Variants in DACH2 observed in about 807,000 individuals in gnomAD.
DACH2 encodes the protein dachshund homolog 2.
In DACH2, 17 loss-of-function variants were observed where a neutral mutation model predicts 35.8. The observed-to-expected ratio is 0.48, with a 90% CI of 0.33 to 0.71. The LOEUF is 0.71. Ranked by LOEUF, DACH2 falls within the 30% of genes least tolerant of loss-of-function variation. The pLI is 0.02. For synonymous variants in DACH2, 195 were observed against 177.3 expected (o/e 1.10, Z -0.79); for missense variants, 469 against 472.7 (o/e 0.99, Z 0.07).
intron 1 of DACH2, among the ~76,000 whole-genome samples, chrX:86,234,363 T>C (rs970882668): frequency 1.8e-5 from 2 of 111,641 alleles, no homozygotes; most frequent in African/African-American, 6.5e-5. Flanking sequence ...GAACTCTGCA[T>C]ACAAATTAAT....
At chrX:86,311,429 T>C (rs1313757121) in intron 1 of DACH2, among the ~76,000 whole-genome samples, 3 of 111,686 alleles carry the variant, frequency 2.7e-5, no homozygotes, top group East Asian at 5.7e-4. Flanking sequence ...GAAGTCACAA[T>C]TACAACACCA....
At chrX:86,346,234 C>T (rs1222491856) in intron 1 of DACH2, among the ~76,000 whole-genome samples, 3 of 110,648 alleles carry the variant, frequency 2.7e-5, no homozygotes, top group Non-Finnish European at 5.7e-5. Context: ...CATCCTGTTA[C>T]CATTTCTCGG....
chrX:86,504,679 C>T (rs2038298867), intron 2 of DACH2, among the ~76,000 whole-genome samples: 2 of 110,924 alleles, frequency 1.8e-5, no homozygotes, highest in African/African-American at 6.5e-5. Context: ...ACTGCCATGG[C>T]AACTTTAAAG....
chrX:86,683,952 C>T (rs904361493), intron 4 of DACH2, among the ~76,000 whole-genome samples: 3 of 111,212 alleles, frequency 2.7e-5, no homozygotes, highest in Non-Finnish European at 5.7e-5. Flanking sequence ...GATGCTCCTT[C>T]CACTATGCTA....
intron 4 of DACH2, among the ~76,000 whole-genome samples, chrX:86,667,356 A>AGGAAGGAG (rs1491365097): frequency 1.3e-5 from 1 of 75,494 alleles, no homozygotes; most frequent in Non-Finnish European, 2.6e-5. Flanking sequence ...GAAGGAAGGA[A>AGGAAGGAG]GAGGAAGGGA....
At chrX:86,755,895 C>A (rs1418805635) in intron 7 of DACH2, among the ~76,000 whole-genome samples, 2 of 110,818 alleles carry the variant, frequency 1.8e-5, no homozygotes, top group Admixed American at 1.9e-4. Context: ...CCGTGCTCGG[C>A]CGACCTGATT....
At chrX:86,729,626 A>G (rs927917008) in intron 6 of DACH2, among the ~76,000 whole-genome samples, 1 of 111,908 alleles carries the variant, frequency 8.9e-6, no homozygotes, top group African/African-American at 3.3e-5. Flanking sequence ...GTAATCCCCA[A>G]TGTTGGAGGT....
intron 2 of DACH2, among the ~76,000 whole-genome samples, chrX:86,429,737 A>AT (rs2036956133): frequency 9.1e-6 from 1 of 109,365 alleles, no homozygotes; most frequent in Non-Finnish European, 1.9e-5. Context: ...TAGTTTTTGT[A>AT]TTTTTAGTAG....
chrX:86,792,915 G>A (rs998776703), intron 7 of DACH2, among the ~76,000 whole-genome samples: 3 of 111,503 alleles, frequency 2.7e-5, no homozygotes, highest in African/African-American at 6.5e-5. Flanking sequence ...GGATCATATG[G>A]TAGTTCTATT....
intron 7 of DACH2, among the ~76,000 whole-genome samples, chrX:86,799,517 G>T (rs778111005): frequency 9.0e-6 from 1 of 111,435 alleles, no homozygotes; most frequent in Non-Finnish European, 1.9e-5. Context: ...TGGTTGGACA[G>T]TGGGTGCTGC....
At chrX:86,257,885 C>A (rs1384546228) in intron 1 of DACH2, among the ~76,000 whole-genome samples, 1 of 111,711 alleles carries the variant, frequency 9.0e-6, no homozygotes, top group East Asian at 2.8e-4. Flanking sequence ...ATTCAGGATT[C>A]TTGGGATGGT....
chrX:86,174,453 T>C (rs1366425061), intron 1 of DACH2, among the ~76,000 whole-genome samples: 1 of 110,470 alleles, frequency 9.1e-6, no homozygotes, highest in Non-Finnish European at 1.9e-5. Context: ...CCTATGTAGA[T>C]TGTAATATTC....
chrX:86,481,751 T>A (rs1307062119), intron 2 of DACH2: 1 of 112,049 alleles, frequency 8.9e-6, no homozygotes, highest in Non-Finnish European at 1.9e-5. Flanking sequence ...TCCCTGGAGC[T>A]CATATCATGT....
intron 7 of DACH2, among the ~76,000 whole-genome samples, chrX:86,790,643 C>T (rs1468565560): frequency 9.0e-6 from 1 of 111,561 alleles, no homozygotes; most frequent in Non-Finnish European, 1.9e-5. Flanking sequence ...ACCTCCTGGG[C>T]TCAAGGAATC....
rs773010310 is a variant in DACH2 at position 86,412,441 on chromosome X, T to A, written c.527+35579T>A. 1.8e-4 allele frequency among the ~76,000 whole-genome samples: 20 copies of A among 111,542 alleles called. No homozygotes were observed. In the South Asian group the frequency reaches 1.9e-3, roughly 11 times the overall value. On this transcript the variant is annotated intron_variant, in intron 2 of 11. Coordinates refer to ENST00000373125, the MANE Select transcript of DACH2 (RefSeq NM_053281.3). Reference sequence around the variant, plus strand: ...AACTTTGCCCCAGCCCTGCAAAGCATTGTCACCTAGTTGGTGTTGTAATTG... The same window carrying A: ...AACTTTGCCCCAGCCCTGCAAAGCAATGTCACCTAGTTGGTGTTGTAATTG...
At chrX:86,809,383 A>G (rs1027543485) in intron 7 of DACH2, among the ~76,000 whole-genome samples, 9 of 111,472 alleles carry the variant, frequency 8.1e-5, no homozygotes, top group Non-Finnish European at 1.5e-4. Flanking sequence ...GTAAACTCCT[A>G]CATAACAGTG....
Position 86,813,319 on chromosome X carries a change from G to C in DACH2, c.1537+42G>C, listed in dbSNP as rs5969009. 5.1e-3 allele frequency: 5,730 copies of C among 1,116,679 alleles called. 205 individuals are homozygous for C. In the African/African-American group the frequency reaches 0.093, roughly 18 times the overall value. The allele number at this position is 1,116,679 out of a possible 1,213,427, so 92.0% of individuals were successfully genotyped here. On this transcript the variant is annotated intron_variant, in intron 9 of 11. Coordinates refer to ENST00000373125, the MANE Select transcript of DACH2 (RefSeq NM_053281.3). ...CAATTACAGAGTGAATATTATGTTG[G>C]GGGTATTTTCAATACTAATGGAAAT...
intron 3 of DACH2, among the ~76,000 whole-genome samples, chrX:86,529,946 TACAC>T (rs779572561): frequency 0.013 from 1,063 of 79,127 alleles, 16 homozygotes; most frequent in African/African-American, 0.041. Context: ...CCATTGTACA[TACAC>T]ACACACACAC....
intron 2 of DACH2, among the ~76,000 whole-genome samples, chrX:86,450,472 T>C (rs371546658): frequency 1.8e-5 from 2 of 111,412 alleles, no homozygotes; most frequent in African/African-American, 3.3e-5. Context: ...CAGTCTATCA[T>C]TGATGGGGAT....
Sources: allele counts gnomAD v4.1 joint callset (sites outside exome capture counted in the v4.1 genomes callset), GRCh38; gene constraint gnomAD v4.1.1; transcripts MANE v1.5; gene names NCBI Gene and HGNC (gene_info 2026-07-23, HGNC 2026-07-21).